The following MAPK4 variants were observed in gnomAD, a reference collection of about 807,000 sequenced individuals.
MAPK4 encodes mitogen-activated protein kinase 4.
MAPK4 carries 22 observed loss-of-function variants against 47.7 expected under a neutral mutation model. The observed-to-expected ratio is 0.46, with a 90% CI of 0.33 to 0.66. The LOEUF (loss-of-function observed/expected upper bound fraction) is 0.66, where lower values mean the gene tolerates loss of function less well. Among genes scored for constraint, MAPK4 ranks in the 30% least tolerant of loss-of-function variants. MAPK4 has a pLI of 0.02. For missense variants in MAPK4, 736 were observed against 831.7 expected, an observed-to-expected ratio of 0.88 and a Z score of 1.42; for synonymous variants, 390 against 365.7, an observed-to-expected ratio of 1.07 and a Z score of -0.76.
intron 2 of MAPK4, among the ~76,000 whole-genome samples, chr18:50,675,555 G>C (rs565572846): frequency 6.6e-6 from 1 of 151,460 alleles, no homozygotes; most frequent in South Asian, 2.1e-4. Context: ...GCAGTGGCAC[G>C]ATCTTGGCAC....
intron 2 of MAPK4, among the ~76,000 whole-genome samples, chr18:50,679,979 G>A (rs1210939092): frequency 6.6e-6 from 1 of 151,788 alleles, no homozygotes; most frequent in East Asian, 1.9e-4. Flanking sequence ...TCCCACCAAG[G>A]GACCCAGCGC....
chr18:50,610,826 T>C (rs553224737), intron 1 of MAPK4, among the ~76,000 whole-genome samples: 65 of 152,348 alleles, frequency 4.3e-4, no homozygotes, highest in African/African-American at 1.4e-3. Flanking sequence ...AGTTCTCCTC[T>C]CCTTCTCCCC....
chr18:50,567,417 G>C (rs2042208225), intron 1 of MAPK4, among the ~76,000 whole-genome samples: 1 of 152,236 alleles, frequency 6.6e-6, no homozygotes, highest in Admixed American at 6.5e-5. Context: ...TCTCCCTGCT[G>C]TGTCATTGCA....
At position 50,674,245 on chromosome 18, in the gene MAPK4, G is replaced by C. The variant is rs149445171; in HGVS notation, c.546+9741G>C. Among the ~76,000 whole-genome samples the C allele has an allele frequency of 3.5e-3, 538 of 152,294 alleles. 7 individuals are homozygous for C. Among genetic ancestry groups the C allele is most frequent in the Non-Finnish European group, 3.1e-3 (209 of 68,028 alleles). On this transcript the variant is annotated intron_variant, in intron 2 of 5. Transcript: ENST00000400384. ...GAACAGGACACTGTCTTATTCTATAGGCAGATATTCTTTGGTTTATATCGA... is the reference window on the plus strand; with the variant it reads ...GAACAGGACACTGTCTTATTCTATACGCAGATATTCTTTGGTTTATATCGA...
intron 2 of MAPK4, among the ~76,000 whole-genome samples, chr18:50,711,985 C>A (rs939104546): frequency 4.6e-5 from 7 of 152,138 alleles, no homozygotes; most frequent in Non-Finnish European, 1.0e-4. Context: ...GGGCCCTGGT[C>A]CACTGTGTCT....
At chr18:50,632,048 G>T (rs2042835381) in intron 1 of MAPK4, among the ~76,000 whole-genome samples, 1 of 152,136 alleles carries the variant, frequency 6.6e-6, no homozygotes, top group African/African-American at 2.4e-5. Flanking sequence ...CACAGTGGGG[G>T]AGCTGCTGGC....
At chr18:50,614,271 A>G (rs2042664775) in intron 1 of MAPK4, among the ~76,000 whole-genome samples, 1 of 152,122 alleles carries the variant, frequency 6.6e-6, no homozygotes, top group African/African-American at 2.4e-5. Context: ...AAAGACTAAA[A>G]AATTAAATGT....
intron 1 of MAPK4, among the ~76,000 whole-genome samples, chr18:50,563,878 A>G (rs2042175799): frequency 6.6e-6 from 1 of 152,154 alleles, no homozygotes; most frequent in African/African-American, 2.4e-5. Context: ...TCTCTTAAAT[A>G]TGAATGTAGG....
At chr18:50,586,698 T>C (rs1419464535) in intron 1 of MAPK4, among the ~76,000 whole-genome samples, 5 of 152,154 alleles carry the variant, frequency 3.3e-5, no homozygotes, top group Non-Finnish European at 7.3e-5. Flanking sequence ...TTTTTATGGA[T>C]ATATTTGTTT....
intron 1 of MAPK4, among the ~76,000 whole-genome samples, chr18:50,574,431 G>A (rs150075813): frequency 6.6e-6 from 1 of 152,304 alleles, no homozygotes; most frequent in East Asian, 1.9e-4. Context: ...ATCATCGAGA[G>A]TATTTATTCT....
Position 50,616,346 on chromosome 18 carries a change from G to A in MAPK4, c.-870-46743G>A, listed in dbSNP as rs1034604438. Among the ~76,000 whole-genome samples the A allele has an allele frequency of 1.5e-4, 23 of 152,148 alleles. 1 individual carries two copies. The highest frequency in any genetic ancestry group is 1.2e-3 in the Admixed American group (19 of 15,270). ...AGGCTGAAGTACTCAACTCTCCTCA[G>A]CCTCTGGAATGGGATTTCCTCATCC... On this transcript the variant is annotated intron_variant, in intron 1 of 5. Transcript: ENST00000400384.
At chr18:50,686,770 C>T (rs1908904726) in intron 2 of MAPK4, among the ~76,000 whole-genome samples, 1 of 152,210 alleles carries the variant, frequency 6.6e-6, no homozygotes, top group South Asian at 2.1e-4. Context: ...CCTCCTTAAG[C>T]TCAACTCTGG....
chr18:50,585,455 T>G (rs1240862837), intron 1 of MAPK4, among the ~76,000 whole-genome samples: 2 of 152,196 alleles, frequency 1.3e-5, no homozygotes, highest in Admixed American at 6.5e-5. Flanking sequence ...CTCTTTTAGC[T>G]GCGTGTTTGA....
intron 1 of MAPK4, among the ~76,000 whole-genome samples, chr18:50,660,009 A>C (rs1274154560): frequency 6.6e-6 from 1 of 152,232 alleles, no homozygotes; most frequent in African/African-American, 2.4e-5. Flanking sequence ...CCCCAGGGCC[A>C]GTGGGCCCAC....
intron 2 of MAPK4, among the ~76,000 whole-genome samples, chr18:50,682,001 T>C (rs1282584237): frequency 6.6e-6 from 1 of 152,204 alleles, no homozygotes; most frequent in Non-Finnish European, 1.5e-5. Context: ...ATGCCATTTA[T>C]ATGAAATGTA....
intron 4 of MAPK4, among the ~76,000 whole-genome samples, chr18:50,722,479 A>G (rs2144473875): frequency 6.6e-6 from 1 of 152,304 alleles, no homozygotes; most frequent in African/African-American, 2.4e-5. Flanking sequence ...TCCACCAGTG[A>G]TGAGCTGTGT....
chr18:50,672,048 A>G (rs1409636756), intron 2 of MAPK4, among the ~76,000 whole-genome samples: 3 of 152,106 alleles, frequency 2.0e-5, no homozygotes, highest in Non-Finnish European at 4.4e-5. Context: ...GAAATATTCA[A>G]TCTGTGACTA....
rs77742596 is a variant in MAPK4 at position 50,720,964 on chromosome 18, T to G, written c.692-974T>G. 3.5e-4 allele frequency among the ~76,000 whole-genome samples: 54 copies of G among 152,280 alleles called. No homozygotes were observed. The East Asian group carries it at 9.8e-3, about 28-fold the overall frequency. On this transcript the variant is annotated intron_variant, in intron 3 of 5. Transcript: ENST00000400384. ...TGGAAGACTGGAATCCCATGGGAATTCATGGCAAGGGGAGGGCCCTCTGTG... is the reference window on the plus strand; with the variant it reads ...TGGAAGACTGGAATCCCATGGGAATGCATGGCAAGGGGAGGGCCCTCTGTG...
At chr18:50,689,404 TA>T (rs34978159) in intron 2 of MAPK4, among the ~76,000 whole-genome samples, 5,417 of 84,862 alleles carry the variant, frequency 0.064, 203 homozygotes, top group African/African-American at 0.14. Flanking sequence ...AACTCCATCT[TA>T]AAAAAAAAAA....
Sources: gnomAD v4.1 joint callset for allele counts (sites outside exome capture counted in the v4.1 genomes callset) on GRCh38, gnomAD v4.1.1 for gene constraint, MANE v1.5 for transcripts, NCBI Gene and HGNC (gene_info 2026-07-23, HGNC 2026-07-21) for gene names.